HHAT: variants seen among roughly 807,000 people sequenced by gnomAD.
The protein encoded by HHAT is hedgehog acyltransferase.
Under a neutral mutation model 70.8 loss-of-function variants are expected in HHAT, and 47 were observed. The observed-to-expected ratio is 0.66, with a 90% CI of 0.53 to 0.85. HHAT has a LOEUF of 0.85. HHAT is among the 40% of genes least tolerant of loss of function. The pLI, the probability that HHAT is intolerant of heterozygous loss-of-function variation, is 0.00. For missense variants in HHAT, 609 were observed against 604.8 expected (o/e 1.01, Z -0.07); for synonymous variants, 228 against 247.6 (o/e 0.92, Z 0.74).
chr1:210,393,397 G>A (rs2091579425), intron 4 of HHAT, among the ~76,000 whole-genome samples: 1 of 152,142 alleles, frequency 6.6e-6, no homozygotes, highest in Non-Finnish European at 1.5e-5. Context: ...GGGTCCTGGG[G>A]GAAAGGATTG....
chr1:210,635,875 C>G (rs1317481965), intron 11 of HHAT, among the ~76,000 whole-genome samples: 1 of 152,124 alleles, frequency 6.6e-6, no homozygotes, highest in Non-Finnish European at 1.5e-5. Context: ...GCCACTTATT[C>G]CACGTACTAC....
At chr1:210,433,198 C>A (rs1025384168) in intron 7 of HHAT, among the ~76,000 whole-genome samples, 1 of 151,770 alleles carries the variant, frequency 6.6e-6, no homozygotes, top group South Asian at 2.1e-4. Context: ...TTTAGAGATG[C>A]GCCTATACCA....
At chr1:210,606,934 G>T (rs182312105) in intron 10 of HHAT, among the ~76,000 whole-genome samples, 1 of 152,114 alleles carries the variant, frequency 6.6e-6, no homozygotes. Flanking sequence ...GCATTACTGC[G>T]AACATCTTCG....
rs555722274 is a variant in HHAT at position 210,591,535 on chromosome 1, C to T, written c.1245+3436C>T. Among the ~76,000 whole-genome samples the T allele has an allele frequency of 1.1e-4, 17 of 151,960 alleles. 1 individual carries two copies. Among genetic ancestry groups the T allele is most frequent in the South Asian group, 2.1e-4 (1 of 4,828 alleles). On this transcript the variant is annotated intron_variant, in intron 10 of 11. Transcript: ENST00000261458. ...GAGTGCAAATATCTCCTTAATTTACCGATTTCCTTTCTTTTGAGTATATCC... is the reference window on the plus strand; with the variant it reads ...GAGTGCAAATATCTCCTTAATTTACTGATTTCCTTTCTTTTGAGTATATCC...
In HHAT at chr1:210,471,523, G is replaced by C. The variant is rs530228342; in HGVS notation, c.1007+6868G>C. 1.9e-3 allele frequency among the ~76,000 whole-genome samples: 288 copies of C among 152,034 alleles called. 2 individuals carry two copies. The highest frequency in any genetic ancestry group is 6.7e-3 in the African/African-American group (278 of 41,444). Reference sequence around the variant, plus strand: ...TCTTTGGGGGTAGGATTTTTCTGAGGGGGGTGCTGAAAGGAGATATCCTAA... The same window carrying C: ...TCTTTGGGGGTAGGATTTTTCTGAGCGGGGTGCTGAAAGGAGATATCCTAA... On this transcript the variant is annotated intron_variant, in intron 8 of 11. Coordinates refer to ENST00000261458, the MANE Select transcript of HHAT (RefSeq NM_018194.6).
At chr1:210,614,581 G>T (rs1667285209) in intron 10 of HHAT, among the ~76,000 whole-genome samples, 1 of 151,786 alleles carries the variant, frequency 6.6e-6, no homozygotes, top group South Asian at 2.1e-4. Context: ...CTCACAACAG[G>T]CCCTAGTGTG....
chr1:210,621,518 G>T (rs976467429), intron 10 of HHAT, among the ~76,000 whole-genome samples: 3 of 152,146 alleles, frequency 2.0e-5, no homozygotes, highest in Non-Finnish European at 4.4e-5. Flanking sequence ...CCTAGTTACT[G>T]CTAGTTGAGT....
chr1:210,457,900 G>A (rs2093902473), intron 7 of HHAT, among the ~76,000 whole-genome samples: 1 of 152,124 alleles, frequency 6.6e-6, no homozygotes, highest in Admixed American at 6.5e-5. Flanking sequence ...AGCCATGTGG[G>A]GATGGGCTTT....
chr1:210,615,841 G>T (rs1183404631), intron 10 of HHAT, among the ~76,000 whole-genome samples: 1 of 152,186 alleles, frequency 6.6e-6, no homozygotes, highest in East Asian at 1.9e-4. Flanking sequence ...GTGTCAGTCT[G>T]CCCCTACTGG....
intron 4 of HHAT, 141 bp from the exon 5 acceptor site, chr1:210,400,325 TAA>T (rs1218037496): frequency 3.5e-5 from 26 of 736,954 alleles, no homozygotes; most frequent in Non-Finnish European, 5.5e-5. Context: ...AGGGCAGTGA[TAA>T]GAGTTTCTTT....
chr1:210,436,829 C>G (rs1384524948), intron 7 of HHAT, among the ~76,000 whole-genome samples: 1 of 151,818 alleles, frequency 6.6e-6, no homozygotes. Context: ...TCAGCTTGTA[C>G]TATAACTCCT....
intron 6 of HHAT, among the ~76,000 whole-genome samples, chr1:210,411,819 T>TTACATGCCTC (rs146103720): frequency 2.0e-5 from 3 of 152,118 alleles, no homozygotes; most frequent in Admixed American, 1.3e-4. Flanking sequence ...TCTACATGTC[T>TTACATGCCTC]TACATGCCTC....
In HHAT at chr1:210,579,314, G is replaced by A. The variant is rs554986737; in HGVS notation, c.1044-8584G>A. Among the ~76,000 whole-genome samples, 18 of 152,252 alleles carry A rather than the reference G, an allele frequency of 1.2e-4. No homozygotes were observed. In the South Asian group the frequency reaches 3.5e-3, roughly 30 times the overall value. On this transcript the variant is annotated intron_variant, in intron 9 of 11. Coordinates refer to ENST00000261458, the MANE Select transcript of HHAT (RefSeq NM_018194.6). ...TTAAAAAATAGTCAAACTCATAGAAGCGAAGAATAGAATGGTGGTTGCCAG... is the reference window on the plus strand; with the variant it reads ...TTAAAAAATAGTCAAACTCATAGAAACGAAGAATAGAATGGTGGTTGCCAG...
chr1:210,668,454 A>G (rs1408352853), intron 11 of HHAT, among the ~76,000 whole-genome samples: 1 of 152,166 alleles, frequency 6.6e-6, no homozygotes, highest in Non-Finnish European at 1.5e-5. Flanking sequence ...AGGAATAGTG[A>G]GTAAGTCTCA....
intron 11 of HHAT, chr1:210,631,061 GTT>G (rs545442914): frequency 4.1e-4 from 185 of 456,654 alleles, no homozygotes; most frequent in African/African-American, 3.1e-3. Flanking sequence ...GCTTTCCTGT[GTT>G]TCTGCATTTC....
At chr1:210,583,592 C>G (rs1659741054) in intron 9 of HHAT, among the ~76,000 whole-genome samples, 1 of 152,188 alleles carries the variant, frequency 6.6e-6, no homozygotes, top group Non-Finnish European at 1.5e-5. Context: ...ACCACACGTA[C>G]TGTCTTCTAT....
intron 2 of HHAT, among the ~76,000 whole-genome samples, chr1:210,349,272 T>C (rs2086802028): frequency 6.6e-6 from 1 of 152,200 alleles, no homozygotes; most frequent in Admixed American, 6.5e-5. Flanking sequence ...TAGGTGATGC[T>C]GTGGCTTGTC....
chr1:210,565,164 A>G (rs995442125), intron 9 of HHAT, among the ~76,000 whole-genome samples: 2 of 152,166 alleles, frequency 1.3e-5, no homozygotes, highest in African/African-American at 2.4e-5. Flanking sequence ...CTCTTTAACT[A>G]TGGGAGAAGG....
chr1:210,454,045 C>T (rs1016554424), intron 7 of HHAT, among the ~76,000 whole-genome samples: 14 of 152,168 alleles, frequency 9.2e-5, no homozygotes, highest in African/African-American at 3.4e-4. Context: ...CCCTGTTAAA[C>T]CCATCAGATC....
Sources: allele counts gnomAD v4.1 joint callset (sites outside exome capture counted in the v4.1 genomes callset), GRCh38; gene constraint gnomAD v4.1.1; transcripts MANE v1.5; gene names NCBI Gene and HGNC (gene_info 2026-07-23, HGNC 2026-07-21).